The following TNFSF4 variants were observed in gnomAD, a reference collection of about 807,000 sequenced individuals.
TNFSF4 encodes the protein tumor necrosis factor ligand superfamily member 4.
Under a neutral mutation model 7.3 loss-of-function variants are expected in TNFSF4, and 4 were observed. That is an observed-to-expected ratio of 0.55 (90% CI 0.27 to 1.25). The LOEUF is 1.25. Among genes scored for constraint, TNFSF4 ranks in the 50% most tolerant of loss-of-function variants. TNFSF4 has a pLI of 0.12. For synonymous variants in TNFSF4, 76 were observed against 83.7 expected, an observed-to-expected ratio of 0.91 and a Z score of 0.50; for missense variants, 181 against 208.8, an observed-to-expected ratio of 0.87 and a Z score of 0.82.
the TNFSF4 span, among the ~76,000 whole-genome samples, chr1:173,386,595 T>C: frequency 0.7 from 106,911 of 151,946 alleles, 37,775 homozygotes; most frequent in African/African-American, 0.78. Context: ...GTTGGGGCCA[T>C]CACAGAGAGC....
chr1:173,418,857 A>T, the TNFSF4 span, among the ~76,000 whole-genome samples: 21 of 152,216 alleles, frequency 1.4e-4, no homozygotes, highest in African/African-American at 5.1e-4. Flanking sequence ...GGCAGATGCC[A>T]GGCAGTATTC....
the TNFSF4 span, among the ~76,000 whole-genome samples, chr1:173,390,052 T>C: frequency 1.4e-3 from 217 of 152,330 alleles, 1 homozygote; most frequent in African/African-American, 4.8e-3. Flanking sequence ...ATTTTGCGTA[T>C]GCTACTACCA....
At chr1:173,339,054 T>A in the TNFSF4 span, among the ~76,000 whole-genome samples, 1 of 152,132 alleles carries the variant, frequency 6.6e-6, no homozygotes. Context: ...ACTAATGACC[T>A]AGACCCCTCA....
rs1649244113 is a variant in TNFSF4 at position 173,186,759 on chromosome 1, G to A, written c.309C>T (p.Ile103=). Residue 103 remains isoleucine, a synonymous_variant, in exon 3 of 3, where the codon ATC becomes ATT. Coordinates refer to ENST00000281834, the MANE Select transcript of TNFSF4 (RefSeq NM_003326.5). The stretch of plus-strand genomic sequence containing the variant: ...CCTGGGAGAAGTAGCCCTTCAGGGA[G>A]ATGAGATAAAACCCATCACAGTTGA... ...VIINCDGFYL[I]SLKGYFSQEV... is the part of the protein sequence containing the mutation. 6.2e-7 allele frequency: 1 copy of A among 1,614,032 alleles called. No individual in the cohort carries two copies. The highest frequency in any genetic ancestry group is 1.3e-5 in the African/African-American group (1 of 74,930).
chr1:173,351,230 C>G, the TNFSF4 span, among the ~76,000 whole-genome samples: 1 of 152,196 alleles, frequency 6.6e-6, no homozygotes, highest in Non-Finnish European at 1.5e-5. Context: ...GGCCTTCACC[C>G]ATTCTGTTCC....
chr1:173,413,673 C>T, the TNFSF4 span, among the ~76,000 whole-genome samples: 88 of 152,186 alleles, frequency 5.8e-4, 2 homozygotes, highest in Admixed American at 7.2e-4. Context: ...GCAGTCCTCA[C>T]GCCCCATTCT....
Position 173,186,921 on chromosome 1 carries a change from A to T in TNFSF4, c.203-56T>A, listed in dbSNP as rs537988295. The T allele has an allele frequency of 6.8e-5, 80 of 1,178,150 alleles. No homozygotes were observed. The East Asian group carries it at 1.5e-3, about 22-fold the overall frequency. 73.0% of individuals were successfully genotyped at this position (1,178,150 alleles called of 1,614,324 possible). ...TAATTCCTAAGCATAGAATTGGGCA[A>T]CAACCTTCCAATACATCTGGAATCA... On this transcript the variant is annotated intron_variant, in intron 2 of 2. Transcript: ENST00000281834.
At chr1:173,221,429 G>T in the TNFSF4 span, among the ~76,000 whole-genome samples, 1 of 152,190 alleles carries the variant, frequency 6.6e-6, no homozygotes. Flanking sequence ...GATGTAAAGT[G>T]CCTTGACTTC....
chr1:173,293,334 C>G, the TNFSF4 span, among the ~76,000 whole-genome samples: 2 of 152,212 alleles, frequency 1.3e-5, no homozygotes, highest in Non-Finnish European at 2.9e-5. Flanking sequence ...CTACAACCAT[C>G]TGATCATCAA....
chr1:173,414,711 C>A, the TNFSF4 span, among the ~76,000 whole-genome samples: 2 of 152,172 alleles, frequency 1.3e-5, no homozygotes, highest in African/African-American at 2.4e-5. Context: ...GCCAGTCAGC[C>A]CTGGAGCGAG....
chr1:173,434,705 C>T, the TNFSF4 span, among the ~76,000 whole-genome samples: 1 of 152,186 alleles, frequency 6.6e-6, no homozygotes, highest in African/African-American at 2.4e-5. Flanking sequence ...AAAGACACTC[C>T]TCTGCAGAGG....
At chr1:173,210,819 G>A (rs909188430), upstream of TNFSF4, among the ~76,000 whole-genome samples, 2 of 152,264 alleles carry the variant, frequency 1.3e-5, no homozygotes, top group Admixed American at 1.3e-4. Context: ...GAGGGAATGA[G>A]TGAGATCTAA....
the TNFSF4 span, among the ~76,000 whole-genome samples, chr1:173,405,625 T>C: frequency 6.6e-6 from 1 of 152,230 alleles, no homozygotes; most frequent in Non-Finnish European, 1.5e-5. Flanking sequence ...TACCTTTCCA[T>C]AGTACCAAGG....
chr1:173,447,757 C>G, the TNFSF4 span, among the ~76,000 whole-genome samples: 5 of 151,878 alleles, frequency 3.3e-5, no homozygotes, highest in Non-Finnish European at 7.4e-5. Flanking sequence ...ACTAGAAAAT[C>G]AATAATAAAA....
the TNFSF4 span, among the ~76,000 whole-genome samples, chr1:173,298,196 G>A: frequency 6.6e-6 from 1 of 152,006 alleles, no homozygotes; most frequent in Admixed American, 6.6e-5. Flanking sequence ...AAAAGCTTGA[G>A]TCAAAGTGGT....
the TNFSF4 span, among the ~76,000 whole-genome samples, chr1:173,348,292 T>C: frequency 6.6e-6 from 1 of 152,170 alleles, no homozygotes; most frequent in Non-Finnish European, 1.5e-5. Context: ...GATCGTTTTA[T>C]AAGGGAAACC....
chr1:173,381,839 A>G, the TNFSF4 span, among the ~76,000 whole-genome samples: 3 of 152,132 alleles, frequency 2.0e-5, no homozygotes, highest in African/African-American at 4.8e-5. Context: ...AAACACACCA[A>G]TCAGCGCTCT....
At chr1:173,201,099 A>G (rs1649923935) in intron 1 of TNFSF4, among the ~76,000 whole-genome samples, 1 of 152,208 alleles carries the variant, frequency 6.6e-6, no homozygotes, top group African/African-American at 2.4e-5. Flanking sequence ...TAGCCAAGTC[A>G]TTGGAGAATT....
At chr1:173,328,544 A>T in the TNFSF4 span, among the ~76,000 whole-genome samples, 1 of 147,212 alleles carries the variant, frequency 6.8e-6, no homozygotes, top group African/African-American at 2.6e-5. Context: ...TCTTCGTAAT[A>T]AAAAAAAAAG....
Sources: allele counts gnomAD v4.1 joint callset (sites outside exome capture counted in the v4.1 genomes callset), GRCh38; gene constraint gnomAD v4.1.1; transcripts MANE v1.5; gene names NCBI Gene and HGNC (gene_info 2026-07-23, HGNC 2026-07-21).